Variants in ELMO1 observed in about 807,000 individuals in gnomAD.
The protein encoded by ELMO1 is engulfment and cell motility protein 1.
Under a neutral mutation model 98.9 loss-of-function variants are expected in ELMO1, and 26 were observed. That is an observed-to-expected ratio of 0.26 (90% CI 0.19 to 0.36). The LOEUF is 0.36. Among genes scored for constraint, ELMO1 ranks in the 10% least tolerant of loss-of-function variants. ELMO1 has a pLI of 1.00. For synonymous variants in ELMO1, 346 were observed against 346.0 expected (o/e 1.00, Z 0.00); for missense variants, 627 against 935.2 (o/e 0.67, Z 4.30).
At chr7:37,118,240 C>T (rs1276725486) in intron 14 of ELMO1, among the ~76,000 whole-genome samples, 1 of 152,178 alleles carries the variant, frequency 6.6e-6, no homozygotes, top group East Asian at 1.9e-4. Context: ...GTTCCTGTTC[C>T]CTTCAATGCA....
rs193063074 is a variant in ELMO1 at position 37,038,160 on chromosome 7, T to G, written c.1301-24725A>C. On this transcript the variant is annotated intron_variant, in intron 15 of 21. Coordinates refer to ENST00000310758, the MANE Select transcript of ELMO1 (RefSeq NM_014800.11). ...AAACAAGCATTGGTCCCGATCCCCTTGACAACAACTTCCCAGAGCCTCCAG... is the reference window on the plus strand; with the variant it reads ...AAACAAGCATTGGTCCCGATCCCCTGGACAACAACTTCCCAGAGCCTCCAG... Among the ~76,000 whole-genome samples the G allele has an allele frequency of 5.9e-5, 9 of 152,320 alleles. No individual in the cohort carries two copies. The East Asian group carries it at 1.7e-3, about 29-fold the overall frequency.
At chr7:37,214,868 C>T (rs1398596225) in intron 11 of ELMO1, among the ~76,000 whole-genome samples, 2 of 152,162 alleles carry the variant, frequency 1.3e-5, no homozygotes, top group African/African-American at 4.8e-5. Flanking sequence ...ACAAGAAGTC[C>T]CACTGAAGCA....
intron 7 of ELMO1, among the ~76,000 whole-genome samples, chr7:37,234,213 T>C (rs1027593575): frequency 6.6e-6 from 1 of 152,174 alleles, no homozygotes; most frequent in Admixed American, 6.5e-5. Context: ...GTTCAATTTT[T>C]AAAAAAATAA....
intron 2 of ELMO1, among the ~76,000 whole-genome samples, chr7:37,323,343 A>G (rs1470175690): frequency 6.6e-6 from 1 of 152,210 alleles, no homozygotes; most frequent in Non-Finnish European, 1.5e-5. Flanking sequence ...AAAGACAGTA[A>G]GTCCACAAAG....
At chr7:37,424,577 C>T (rs1479341608) in intron 1 of ELMO1, among the ~76,000 whole-genome samples, 1 of 152,156 alleles carries the variant, frequency 6.6e-6, no homozygotes, top group Non-Finnish European at 1.5e-5. Flanking sequence ...GATTCTGGCA[C>T]ATTAGCAAAA....
intron 19 of ELMO1, among the ~76,000 whole-genome samples, chr7:36,873,228 C>T (rs1385717390): frequency 1.3e-5 from 2 of 152,194 alleles, no homozygotes; most frequent in Non-Finnish European, 2.9e-5. Flanking sequence ...GAAGATTAGG[C>T]ATTAGAAAGG....
intron 13 of ELMO1, among the ~76,000 whole-genome samples, chr7:37,193,395 T>C: frequency 6.6e-6 from 1 of 152,164 alleles, no homozygotes; most frequent in East Asian, 1.9e-4. Context: ...GGTAATTTTT[T>C]CTAACACGTA....
intron 14 of ELMO1, among the ~76,000 whole-genome samples, chr7:37,124,773 TGG>T (rs1229906160): frequency 0.025 from 3,875 of 152,194 alleles, 162 homozygotes; most frequent in African/African-American, 0.089. Flanking sequence ...TTCACAGAAT[TGG>T]AAAAAACTAC....
intron 1 of ELMO1, among the ~76,000 whole-genome samples, chr7:37,444,147 A>G (rs1805519360): frequency 6.6e-6 from 1 of 152,078 alleles, no homozygotes; most frequent in Non-Finnish European, 1.5e-5. Context: ...TCTTCTTTGG[A>G]TAGCCAATCC....
chr7:37,116,180 C>T (rs1351712186), intron 14 of ELMO1, among the ~76,000 whole-genome samples: 2 of 152,172 alleles, frequency 1.3e-5, no homozygotes, highest in Admixed American at 6.5e-5. Context: ...GTTCTTTGAA[C>T]TCCTGCATTA....
chr7:37,314,191 G>A (rs1283836672), intron 4 of ELMO1, among the ~76,000 whole-genome samples: 1 of 152,164 alleles, frequency 6.6e-6, no homozygotes, highest in East Asian at 1.9e-4. Context: ...TATAGCCCAG[G>A]TTAGTCTTAA....
chr7:37,155,281 A>T (rs908529769), intron 13 of ELMO1, among the ~76,000 whole-genome samples: 1 of 152,196 alleles, frequency 6.6e-6, no homozygotes, highest in Non-Finnish European at 1.5e-5. Context: ...TAGCATCATA[A>T]TGACAGTATC....
chr7:37,371,399 T>C (rs981771792), intron 1 of ELMO1, among the ~76,000 whole-genome samples: 3 of 152,214 alleles, frequency 2.0e-5, no homozygotes, highest in African/African-American at 7.2e-5. Context: ...ATAGATGTTC[T>C]AAAGCATCAT....
intron 1 of ELMO1, among the ~76,000 whole-genome samples, chr7:37,440,246 A>G (rs532395697): frequency 6.6e-6 from 1 of 152,290 alleles, no homozygotes; most frequent in Admixed American, 6.5e-5. Flanking sequence ...GTTCGAGACC[A>G]GCCTGGTCAA....
At chr7:36,957,043 A>T (rs1348257399) in intron 16 of ELMO1, among the ~76,000 whole-genome samples, 1 of 152,260 alleles carries the variant, frequency 6.6e-6, no homozygotes, top group African/African-American at 2.4e-5. Context: ...AAGCTATTTA[A>T]GGGCTGTCAG....
intron 15 of ELMO1, among the ~76,000 whole-genome samples, chr7:37,086,027 G>A (rs1221747332): frequency 2.0e-5 from 3 of 152,178 alleles, no homozygotes; most frequent in Non-Finnish European, 4.4e-5. Flanking sequence ...GACCTGCTTT[G>A]GGAAGAATTA....
intron 13 of ELMO1, among the ~76,000 whole-genome samples, chr7:37,193,059 T>C (rs914305534): frequency 3.4e-5 from 5 of 147,112 alleles, no homozygotes; most frequent in African/African-American, 1.3e-4. Flanking sequence ...GAAATCAAAA[T>C]ACAAAACAAA....
At chr7:37,301,705 T>G (rs1798358588) in intron 4 of ELMO1, among the ~76,000 whole-genome samples, 1 of 152,182 alleles carries the variant, frequency 6.6e-6, no homozygotes. Flanking sequence ...TCAGACATGG[T>G]AAAGGCGGTG....
chr7:37,210,188 C>A (rs1792874965), intron 13 of ELMO1, among the ~76,000 whole-genome samples: 1 of 152,040 alleles, frequency 6.6e-6, no homozygotes, highest in Non-Finnish European at 1.5e-5. Context: ...ATATCTCATA[C>A]AAAGTACAGT....
Sources: gnomAD v4.1 joint callset for allele counts (sites outside exome capture counted in the v4.1 genomes callset) on GRCh38, gnomAD v4.1.1 for gene constraint, MANE v1.5 for transcripts, NCBI Gene and HGNC (gene_info 2026-07-23, HGNC 2026-07-21) for gene names.